TMEM232: variants seen among roughly 807,000 people sequenced by gnomAD.
TMEM232 encodes transmembrane protein 232.
Under a neutral mutation model 78.8 loss-of-function variants are expected in TMEM232, and 80 were observed. The observed-to-expected ratio is 1.01, with a 90% CI of 0.85 to 1.22. TMEM232 has a LOEUF of 1.22. Among genes scored for constraint, TMEM232 ranks in the 50% most tolerant of loss-of-function variants. The probability of loss-of-function intolerance (pLI) is 0.00; values close to 1 mark genes in which losing one functional copy is unlikely to be tolerated. For missense variants in TMEM232, 881 were observed against 742.2 expected, an observed-to-expected ratio of 1.19 and a Z score of -2.17; for synonymous variants, 297 against 254.3, an observed-to-expected ratio of 1.17 and a Z score of -1.60.
At chr5:110,399,716 A>C (rs1755523636) in intron 2 of TMEM232, among the ~76,000 whole-genome samples, 1 of 152,116 alleles carries the variant, frequency 6.6e-6, no homozygotes, top group African/African-American at 2.4e-5. Flanking sequence ...CTTGATTTCC[A>C]TCAGCTTCGA....
chr5:110,640,911 C>T lies in TMEM232; in HGVS notation c.323G>A (p.Cys108Tyr), dbSNP rs1016386291. ...CGTACCATCTTGGATTTCCCCTTTG[C>T]ATTGAGCCAGATATATTACTTCAGT... is the stretch of plus-strand genomic sequence containing the variant. ...AWTEVIYLAQCKGEIQDESLN... is the reference protein window; with the variant it reads ...AWTEVIYLAQYKGEIQDESLN... The change falls in exon 4 of 14, where the codon TGC (cysteine) becomes TAC (tyrosine). Residue 108 changes from cysteine to tyrosine, a missense_variant. Transcript: ENST00000455884. The T allele has an allele frequency of 6.5e-7, 1 of 1,535,418 alleles. No individual in the cohort carries two copies.
At chr5:110,392,533 G>T (rs1363184515) in intron 3 of TMEM232, among the ~76,000 whole-genome samples, 1 of 152,152 alleles carries the variant, frequency 6.6e-6, no homozygotes, top group Admixed American at 6.6e-5. Flanking sequence ...CAAGATCAAG[G>T]TGCCTGACAA....
intron 10 of TMEM232, among the ~76,000 whole-genome samples, chr5:110,576,150 A>G (rs1335216357): frequency 6.6e-6 from 1 of 152,082 alleles, no homozygotes; most frequent in Non-Finnish European, 1.5e-5. Flanking sequence ...GTCTTAGCCC[A>G]AAAGCTTCTT....
At chr5:110,498,708 C>G (rs1048855863) in intron 12 of TMEM232, among the ~76,000 whole-genome samples, 2 of 152,128 alleles carry the variant, frequency 1.3e-5, no homozygotes, top group African/African-American at 4.8e-5. Flanking sequence ...GGGAAACTTA[C>G]AAGTGTATTG....
At chr5:110,532,077 C>G (rs552766054) in intron 11 of TMEM232, among the ~76,000 whole-genome samples, 2 of 152,224 alleles carry the variant, frequency 1.3e-5, no homozygotes, top group Admixed American at 6.5e-5. Context: ...AGCGGCCAGG[C>G]ATTCCTCCAG....
At chr5:110,514,296 C>T (rs1048265080) in intron 12 of TMEM232, among the ~76,000 whole-genome samples, 6 of 151,732 alleles carry the variant, frequency 4.0e-5, no homozygotes, top group Admixed American at 1.3e-4. Flanking sequence ...ATCATGAACC[C>T]GTATGTTCTC....
chr5:110,525,179 A>G (rs1415430340), intron 12 of TMEM232, among the ~76,000 whole-genome samples: 3 of 151,816 alleles, frequency 2.0e-5, no homozygotes, highest in African/African-American at 7.2e-5. Flanking sequence ...AAAAAAAAAA[A>G]AGCCCATCCT....
intron 12 of TMEM232, among the ~76,000 whole-genome samples, chr5:110,492,720 A>G (rs1312296956): frequency 6.6e-6 from 1 of 152,048 alleles, no homozygotes; most frequent in Non-Finnish European, 1.5e-5. Context: ...CATTCTCATT[A>G]GTCACAAATT....
intron 12 of TMEM232, among the ~76,000 whole-genome samples, chr5:110,446,927 C>T (rs1759712793): frequency 6.6e-6 from 1 of 151,686 alleles, no homozygotes; most frequent in African/African-American, 2.4e-5. Flanking sequence ...ATGTGGTGAT[C>T]TTTAGTAACC....
intron 12 of TMEM232, among the ~76,000 whole-genome samples, chr5:110,516,880 C>G (rs1409866511): frequency 6.6e-6 from 1 of 152,048 alleles, no homozygotes; most frequent in African/African-American, 2.4e-5. Context: ...GTAGCAGATA[C>G]TTCATTAACA....
chr5:110,575,388 C>T (rs1241030663), intron 10 of TMEM232, among the ~76,000 whole-genome samples: 1 of 151,966 alleles, frequency 6.6e-6, no homozygotes. Flanking sequence ...GATTGAAGCA[C>T]AATTGCAAAT....
chr5:110,532,936 C>A (rs1771767284), intron 11 of TMEM232, among the ~76,000 whole-genome samples: 1 of 152,182 alleles, frequency 6.6e-6, no homozygotes, highest in Admixed American at 6.5e-5. Flanking sequence ...CCCCATTTTA[C>A]CTGTCCTAAA....
At chr5:110,651,040 C>A (rs1380159651) in intron 2 of TMEM232, among the ~76,000 whole-genome samples, 1 of 152,046 alleles carries the variant, frequency 6.6e-6, no homozygotes, top group Non-Finnish European at 1.5e-5. Context: ...ATACAGCTTA[C>A]CAGTCATTTT....
chr5:110,476,862 A>T (rs534831185), intron 12 of TMEM232, among the ~76,000 whole-genome samples: 1 of 152,158 alleles, frequency 6.6e-6, no homozygotes, highest in South Asian at 2.1e-4. Context: ...ATTTTGAAAA[A>T]GGTTACGATT....
chr5:110,476,326 C>T (rs1763248505), intron 12 of TMEM232, among the ~76,000 whole-genome samples: 1 of 151,886 alleles, frequency 6.6e-6, no homozygotes, highest in African/African-American at 2.4e-5. Context: ...AAAATAACAA[C>T]AGGTGTGTGA....
intron 12 of TMEM232, among the ~76,000 whole-genome samples, chr5:110,437,226 A>C (rs1202383600): frequency 6.6e-6 from 1 of 151,822 alleles, no homozygotes; most frequent in African/African-American, 2.4e-5. Context: ...GGATTGCTTT[A>C]TTGATATATT....
intron 2 of TMEM232, among the ~76,000 whole-genome samples, chr5:110,411,148 T>TGAGG (rs1755981816): frequency 6.6e-6 from 1 of 152,162 alleles, no homozygotes; most frequent in Non-Finnish European, 1.5e-5. Flanking sequence ...CATGTTCCTC[T>TGAGG]AGTTTGCTGT....
chr5:110,534,287 T>C (rs1169102872), intron 11 of TMEM232, among the ~76,000 whole-genome samples: 1 of 152,200 alleles, frequency 6.6e-6, no homozygotes, highest in Non-Finnish European at 1.5e-5. Context: ...TCAGGCTTAG[T>C]ATTCAGTGAA....
At chr5:110,548,460 T>C (rs1774057018) in intron 11 of TMEM232, among the ~76,000 whole-genome samples, 1 of 151,134 alleles carries the variant, frequency 6.6e-6, no homozygotes, top group Admixed American at 6.6e-5. Flanking sequence ...ATTTTAATAA[T>C]TCAAGAATTT....
Sources: gnomAD v4.1 joint callset for allele counts (sites outside exome capture counted in the v4.1 genomes callset) on GRCh38, gnomAD v4.1.1 for gene constraint, MANE v1.5 for transcripts, NCBI Gene and HGNC (gene_info 2026-07-23, HGNC 2026-07-21) for gene names.